ADAMTS17: variants seen among roughly 807,000 people sequenced by gnomAD.
ADAMTS17 encodes ADAM metallopeptidase with thrombospondin type 1 motif 17.
A neutral mutation model predicts 141.5 loss-of-function variants in ADAMTS17; 113 were observed. That is an observed-to-expected ratio of 0.80 (90% CI 0.69 to 0.93). The LOEUF (loss-of-function observed/expected upper bound fraction) is 0.93, where lower values mean the gene tolerates loss of function less well. ADAMTS17 is among the 40% of genes least tolerant of loss of function. The pLI is 0.00. For missense variants in ADAMTS17, 1,659 were observed against 1,517.9 expected, an observed-to-expected ratio of 1.09 and a Z score of -1.54; for synonymous variants, 768 against 630.6, an observed-to-expected ratio of 1.22 and a Z score of -3.27.
intron 7 of ADAMTS17, among the ~76,000 whole-genome samples, chr15:100,251,750 A>G (rs537713570): frequency 1.3e-5 from 2 of 152,332 alleles, no homozygotes; most frequent in South Asian, 4.1e-4. Context: ...CAACAAAAAA[A>G]GCTAATTAAG....
intron 18 of ADAMTS17, among the ~76,000 whole-genome samples, chr15:100,027,388 TTAAACATCC>T (rs538791284): frequency 4.7e-4 from 71 of 152,362 alleles, no homozygotes; most frequent in African/African-American, 1.6e-3. Context: ...AGCTCCACAA[TTAAACATCC>T]TAAGATGCTC....
chr15:100,020,748 T>C (rs996023221), intron 18 of ADAMTS17, among the ~76,000 whole-genome samples: 1 of 152,234 alleles, frequency 6.6e-6, no homozygotes, highest in African/African-American at 2.4e-5. Context: ...TAGAGCCATG[T>C]GGAGACGGCT....
chr15:100,265,552 T>C (rs1446248824), intron 4 of ADAMTS17, among the ~76,000 whole-genome samples: 2 of 152,154 alleles, frequency 1.3e-5, no homozygotes, highest in Non-Finnish European at 2.9e-5. Context: ...ACGGCTTCTC[T>C]GGCTAGGCAA....
rs138405307 is a variant in ADAMTS17, at chr15:100,030,272, G to A, written c.2591+18585C>T. Among the ~76,000 whole-genome samples, 4 of 152,270 alleles carry A rather than the reference G, an allele frequency of 2.6e-5. No homozygotes were observed. In the East Asian group the frequency reaches 5.8e-4, roughly 22 times the overall value. On this transcript the variant is annotated intron_variant, in intron 18 of 21. Transcript: ENST00000268070. ...ATGTGCACGGTGTGGGCCAGGGCACGTTCATTACCTCCTCAGTGCTAATTT... is the reference window on the plus strand; with the variant it reads ...ATGTGCACGGTGTGGGCCAGGGCACATTCATTACCTCCTCAGTGCTAATTT...
At chr15:100,228,883 CCA>C (rs1485406024) in intron 7 of ADAMTS17, among the ~76,000 whole-genome samples, 1 of 152,332 alleles carries the variant, frequency 6.6e-6, no homozygotes, top group Non-Finnish European at 1.5e-5. Context: ...GGCTCACCAC[CCA>C]CAGTGTCACC....
At chr15:100,283,063 TATC>T (rs34527348) in intron 3 of ADAMTS17, among the ~76,000 whole-genome samples, 33,613 of 152,070 alleles carry the variant, frequency 0.22, 4,949 homozygotes, top group African/African-American at 0.41. Context: ...TTTAAAGAAA[TATC>T]ATTGAGTTTG....
chr15:100,314,338 T>C (rs935805382), intron 3 of ADAMTS17, among the ~76,000 whole-genome samples: 1 of 152,248 alleles, frequency 6.6e-6, no homozygotes, highest in Non-Finnish European at 1.5e-5. Context: ...GATAACAGTA[T>C]TGTATCCCCT....
At position 100,196,914 on chromosome 15, in the gene ADAMTS17, G is replaced by A. The variant is rs138230183; in HGVS notation, c.1181+2404C>T. Among the ~76,000 whole-genome samples, 787 of 152,312 alleles carry A rather than the reference G, an allele frequency of 5.2e-3. 6 individuals carry two copies. The highest frequency in any genetic ancestry group is 0.018 in the African/African-American group (763 of 41,578). On this transcript the variant is annotated intron_variant, in intron 8 of 21. Transcript: ENST00000268070. ...GGGAAACCTGTAATTACCCAAAGAG[G>A]GGGAGGGCCAAATGCTAGCAAGATT...
intron 4 of ADAMTS17, among the ~76,000 whole-genome samples, chr15:100,268,541 T>C (rs985744904): frequency 1.3e-5 from 2 of 152,216 alleles, no homozygotes; most frequent in East Asian, 1.9e-4. Flanking sequence ...GCTCTGATGA[T>C]TGCTGATGTG....
chr15:100,010,148 C>T (rs1035070387), intron 18 of ADAMTS17, among the ~76,000 whole-genome samples: 1 of 152,186 alleles, frequency 6.6e-6, no homozygotes, highest in African/African-American at 2.4e-5. Flanking sequence ...TTGGCTTCTG[C>T]CATAACTGTG....
At chr15:99,978,302 T>C (rs996145862) in intron 20 of ADAMTS17, among the ~76,000 whole-genome samples, 3 of 152,196 alleles carry the variant, frequency 2.0e-5, no homozygotes, top group Non-Finnish European at 1.5e-5. Flanking sequence ...AGGTTTTGTG[T>C]GTCTTTTTTC....
rs1432921451 is a variant in ADAMTS17 at position 100,098,413 on chromosome 15, C to A, written c.2017-1937G>T. On this transcript the variant is annotated intron_variant, in intron 14 of 21. Coordinates refer to ENST00000268070, the MANE Select transcript of ADAMTS17 (RefSeq NM_139057.4). Reference sequence around the variant, plus strand: ...CCTGTAATCCCAGCACTTTGGGAGGCTGAGGTGGGTGGATCATGAGGTCAG... The same window carrying A: ...CCTGTAATCCCAGCACTTTGGGAGGATGAGGTGGGTGGATCATGAGGTCAG... Among the ~76,000 whole-genome samples, 4 of 152,174 alleles carry A rather than the reference C, an allele frequency of 2.6e-5. No homozygotes were observed. The East Asian group carries it at 7.7e-4, about 29-fold the overall frequency.
rs557653775 is a variant in ADAMTS17, at chr15:100,266,290, C to G, written c.790-3855G>C. On this transcript the variant is annotated intron_variant, in intron 4 of 21. Coordinates refer to ENST00000268070, the MANE Select transcript of ADAMTS17 (RefSeq NM_139057.4). ...CGCCACCCCAACCAAAGGAGAATCA[C>G]ATGATGTACACACAAAACCAGCACA... 1.5e-4 allele frequency among the ~76,000 whole-genome samples: 23 copies of G among 152,212 alleles called. 1 individual carries two copies. The highest frequency in any genetic ancestry group is 2.9e-4 in the Non-Finnish European group (20 of 68,042).
chr15:100,169,904 G>A (rs905404611), intron 8 of ADAMTS17, among the ~76,000 whole-genome samples: 2 of 149,464 alleles, frequency 1.3e-5, no homozygotes, highest in African/African-American at 2.6e-5. Flanking sequence ...TCTGTTCTCC[G>A]GGGCCACTCC....
intron 7 of ADAMTS17, among the ~76,000 whole-genome samples, chr15:100,222,833 C>G (rs1259166669): frequency 1.3e-5 from 2 of 152,192 alleles, no homozygotes; most frequent in Non-Finnish European, 2.9e-5. Context: ...GAGTGACCAA[C>G]TCGAATGCTA....
Position 100,109,149 on chromosome 15 carries a change from G to A in ADAMTS17, c.1889-33C>T, listed in dbSNP as rs189652665. 3.8e-5 allele frequency: 60 copies of A among 1,584,450 alleles called. No homozygotes were observed. The Admixed American group carries it at 6.4e-4, about 17-fold the overall frequency. On this transcript the variant is annotated intron_variant, in intron 13 of 21. Coordinates refer to ENST00000268070, the MANE Select transcript of ADAMTS17 (RefSeq NM_139057.4). ...GGGAAAGGTTGGAGGACGTTGACACGGGAAGGTGTGCGTGGGCCATGCAGG... is the reference window on the plus strand; with the variant it reads ...GGGAAAGGTTGGAGGACGTTGACACAGGAAGGTGTGCGTGGGCCATGCAGG...
At chr15:99,977,738 T>C (rs541832699) in intron 20 of ADAMTS17, among the ~76,000 whole-genome samples, 2 of 152,020 alleles carry the variant, frequency 1.3e-5, no homozygotes, top group East Asian at 3.9e-4. Context: ...CCTTAAAGCA[T>C]TTCCCAGGTA....
chr15:100,024,253 T>C (rs1272601905), intron 18 of ADAMTS17, among the ~76,000 whole-genome samples: 2 of 152,220 alleles, frequency 1.3e-5, no homozygotes, highest in Non-Finnish European at 2.9e-5. Context: ...TCACTGTAAC[T>C]GGCTAATTTA....
chr15:100,248,293 C>T (rs2043048431), intron 7 of ADAMTS17, among the ~76,000 whole-genome samples: 1 of 152,186 alleles, frequency 6.6e-6, no homozygotes, highest in Non-Finnish European at 1.5e-5. Flanking sequence ...ACCACCGTAG[C>T]TCAATTTGGA....
Sources: allele counts gnomAD v4.1 joint callset (sites outside exome capture counted in the v4.1 genomes callset), GRCh38; gene constraint gnomAD v4.1.1; transcripts MANE v1.5; gene names NCBI Gene and HGNC (gene_info 2026-07-23, HGNC 2026-07-21).